Variants in SAMD9L observed in about 807,000 individuals in gnomAD.
SAMD9L encodes sterile alpha motif domain-containing protein 9-like.
SAMD9L carries 68 observed loss-of-function variants against 90.7 expected under a neutral mutation model. The ratio of observed to expected loss-of-function variants is 0.75; its 90% CI spans 0.62 to 0.92. SAMD9L has a LOEUF of 0.92. Among genes scored for constraint, SAMD9L ranks in the 40% least tolerant of loss-of-function variants. The probability of loss-of-function intolerance (pLI) is 0.00; values close to 1 mark genes in which losing one functional copy is unlikely to be tolerated. For missense variants in SAMD9L, 1,604 were observed against 1,824.3 expected (o/e 0.88, Z 2.20); for synonymous variants, 640 against 630.1 (o/e 1.02, Z -0.23).
intron 4 of SAMD9L, among the ~76,000 whole-genome samples, chr7:93,138,602 G>C (rs1792553264): frequency 6.6e-6 from 1 of 152,172 alleles, no homozygotes; most frequent in Non-Finnish European, 1.5e-5. Context: ...GCAATTGAGG[G>C]AGAAAGCCTG....
chr7:93,139,562 T>C (rs1329963408), intron 4 of SAMD9L, among the ~76,000 whole-genome samples: 6 of 152,148 alleles, frequency 3.9e-5, no homozygotes, highest in Non-Finnish European at 7.3e-5. Context: ...CACCAAAGAT[T>C]GCCAGCATGC....
In SAMD9L at chr7:93,135,448, T is replaced by G; in HGVS notation, c.524A>C (p.His175Pro). ...PYPFDQFHDS[H>P]RYIEHYTLQP... is the part of the protein sequence containing the mutation. Reference sequence around the variant, plus strand: ...TAGAGTATAATGTTCTATGTAGCGATGGCTGTCATGGAACTGATCAAAAGG... The same window carrying G: ...TAGAGTATAATGTTCTATGTAGCGAGGGCTGTCATGGAACTGATCAAAAGG... The change falls in exon 5 of 5, where the codon CAT becomes CCT. Residue 175 changes from histidine (H) to proline (P), a missense_variant. This residue lies in a region of SAMD9L where 374 missense variants were observed against 363.6 expected (regional missense o/e 1.03). Coordinates refer to ENST00000318238, the MANE Select transcript of SAMD9L (RefSeq NM_152703.5). 2 of 1,614,156 alleles carry G rather than the reference T, an allele frequency of 1.2e-6. No individual in the cohort carries two copies. Among genetic ancestry groups the G allele is most frequent in the Non-Finnish European group, 1.7e-6 (2 of 1,179,964 alleles).
rs1403517321 is a variant in SAMD9L at position 93,133,755 on chromosome 7, A to AATT, written c.2216_2217insAAT (p.Leu739_Tyr740insIle). On this transcript the variant is annotated inframe_insertion, in exon 5 of 5. Transcript: ENST00000318238. ...TACCTCCACAGCCTGGATGATGATA[A>AATT]AGATTGATGATTTTTGCAAATATTG... The AATT allele has an allele frequency of 6.2e-7, 1 of 1,613,842 alleles. No individual in the cohort carries two copies. Among genetic ancestry groups the AATT allele is most frequent in the South Asian group, 1.1e-5 (1 of 91,078 alleles).
In SAMD9L at chr7:93,134,607, C is replaced by A. The variant is rs1357119601; in HGVS notation, c.1365G>T (p.Val455=). The A allele has an allele frequency of 8.1e-6, 13 of 1,613,790 alleles. No homozygotes were observed. Among genetic ancestry groups the A allele is most frequent in the Non-Finnish European group, 1.0e-5 (12 of 1,179,910 alleles). ...EFDPESMING[V]VKAYKESRVA... The stretch of plus-strand genomic sequence containing the variant: ...CCCGACTTTCTTTGTAAGCTTTGAC[C>A]ACTCCATTGATCATAGATTCAGGAT... The change falls in exon 5 of 5, where the codon GTG becomes GTT. Residue 455 remains valine, a synonymous_variant. Coordinates refer to ENST00000318238, the MANE Select transcript of SAMD9L (RefSeq NM_152703.5).
intron 4 of SAMD9L, among the ~76,000 whole-genome samples, chr7:93,141,373 T>C (rs774247539): frequency 1.3e-5 from 2 of 152,228 alleles, no homozygotes; most frequent in South Asian, 4.1e-4. Flanking sequence ...CAAATTAACA[T>C]GATCGGCCCT....
In SAMD9L at chr7:93,135,645, C is replaced by T. The variant is rs1442622829; in HGVS notation, c.327G>A (p.Lys109=). The T allele has an allele frequency of 6.2e-7, 1 of 1,613,864 alleles. No individual in the cohort carries two copies. The highest frequency in any genetic ancestry group is 1.1e-5 in the South Asian group (1 of 91,070). ...EHQKNPKHTK[K]EEENSMSSNI... ...TAGATGACATTGAATTTTCTTCTTC[C>T]TTTTTGGTGTGTTTTGGATTTTTCT... Residue 109 remains lysine, a synonymous_variant, in exon 5 of 5, where the codon AAG becomes AAA. Coordinates refer to ENST00000318238, the MANE Select transcript of SAMD9L (RefSeq NM_152703.5).
At position 93,134,430 on chromosome 7, in the gene SAMD9L, TG is replaced by T; in HGVS notation, c.1541del (p.Pro514HisfsTer15). On this transcript the variant is annotated frameshift_variant, in exon 5 of 5. Transcript: ENST00000318238. LOFTEE classifies it high-confidence loss of function. ...LKSETYKPLE[P>X]HLWQRERASE... ...AAGCTCTTTCTCTCTGCCATAAATG[TG>T]GTTCTAGAGGTTTATATGTCTCGCT... The T allele has an allele frequency of 6.2e-7, 1 of 1,613,862 alleles. No individual in the cohort carries two copies. Among genetic ancestry groups the T allele is most frequent in the Non-Finnish European group, 8.5e-7 (1 of 1,179,828 alleles).
rs1456483063 is a variant in SAMD9L at position 93,132,939 on chromosome 7, A to C, written c.3033T>G (p.Ile1011Met). 6.2e-6 allele frequency: 10 copies of C among 1,613,454 alleles called. No individual in the cohort carries two copies. The East Asian group carries it at 2.2e-4, about 36-fold the overall frequency. The change falls in exon 5 of 5, where the codon ATT becomes ATG. Residue 1011 changes from isoleucine (I) to methionine (M), a missense_variant. Physicochemically the swap from Ile to Met is conservative, Grantham distance 10. Around this residue, in one of 7 missense-constraint regions of SAMD9L, gnomAD observed 302 missense variants for 314.7 expected, o/e 0.96. Coordinates refer to ENST00000318238, the MANE Select transcript of SAMD9L (RefSeq NM_152703.5). Reference protein sequence around the residue: ...ERSYHLDKCQIALNILEENLF... With the variant: ...ERSYHLDKCQMALNILEENLF... ...AATTCTCTTCTAATATATTCAATGCAATTTGACATTTATCCAAGTGATAGC... is the reference window on the plus strand; with the variant it reads ...AATTCTCTTCTAATATATTCAATGCCATTTGACATTTATCCAAGTGATAGC...
Position 93,131,711 on chromosome 7 carries a change from G to T in SAMD9L, c.4261C>A (p.His1421Asn). 6.2e-7 allele frequency: 1 copy of T among 1,613,800 alleles called. No individual in the cohort carries two copies. The highest frequency in any genetic ancestry group is 1.1e-5 in the South Asian group (1 of 91,048). ...REVLQFVGLS[H>N]QYPGPYFLAC... ...AAGAAATAAGGACCTGGATATTGAT[G>T]ACTTAGTCCTACAAATTGCAAGACC... The change falls in exon 5 of 5, where the codon CAT becomes AAT. Residue 1421 changes from histidine (H) to asparagine (N), a missense_variant. Coordinates refer to ENST00000318238, the MANE Select transcript of SAMD9L (RefSeq NM_152703.5).
At chr7:93,143,789 A>G (rs1792788053) in intron 4 of SAMD9L, among the ~76,000 whole-genome samples, 1 of 152,244 alleles carries the variant, frequency 6.6e-6, no homozygotes, top group Admixed American at 6.5e-5. Flanking sequence ...TAAGCATCTT[A>G]TATGATCTAT....
chr7:93,133,566 C>T lies in SAMD9L; in HGVS notation c.2406G>A (p.Val802=), dbSNP rs1038100722. 1 of 1,613,772 alleles carries T rather than the reference C, an allele frequency of 6.2e-7. No homozygotes were observed. Among genetic ancestry groups the T allele is most frequent in the South Asian group, 1.1e-5 (1 of 91,064 alleles). The part of the protein sequence containing the change: ...HQDYIPVLLL[V]DDFEEQENVY... ...CATTTTCTTGTTCTTCAAAATCATC[C>T]ACAAGGAGAAGCACAGGAATGTAAT... Residue 802 remains valine, a synonymous_variant, in exon 5 of 5, where the codon GTG becomes GTA. Transcript: ENST00000318238.
At position 93,132,769 on chromosome 7, in the gene SAMD9L, T is replaced by A; in HGVS notation, c.3203A>T (p.Glu1068Val). Reference sequence around the variant, plus strand: ...TCTACTTCCTGCACTCAAGACCTTTTCAATGTCTTTATTCTGTAAAGCTTC... The same window carrying A: ...TCTACTTCCTGCACTCAAGACCTTTACAATGTCTTTATTCTGTAAAGCTTC... Reference protein sequence around the residue: ...LMEALQNKDIEKVLSAGSRRF... With the variant: ...LMEALQNKDIVKVLSAGSRRF... The change falls in exon 5 of 5, where the codon GAA becomes GTA. Residue 1068 changes from glutamate to valine, a missense_variant. Around this residue, in one of 7 missense-constraint regions of SAMD9L, gnomAD observed 302 missense variants for 314.7 expected, o/e 0.96. Transcript: ENST00000318238. 6.2e-7 allele frequency: 1 copy of A among 1,613,574 alleles called. No homozygotes were observed. Among genetic ancestry groups the A allele is most frequent in the South Asian group, 1.1e-5 (1 of 91,066 alleles).
At position 93,131,828 on chromosome 7, in the gene SAMD9L, T is replaced by C. The variant is rs1792117772; in HGVS notation, c.4144A>G (p.Asn1382Asp). The C allele has an allele frequency of 1.9e-6, 3 of 1,612,776 alleles. No individual in the cohort carries two copies. The highest frequency in any genetic ancestry group is 3.3e-4 in the Middle Eastern group (2 of 6,082). Residue 1382 changes from asparagine (N) to aspartate (D), a missense_variant, in exon 5 of 5, where the codon AAT becomes GAT. This residue lies in a region of SAMD9L where 282 missense variants were observed against 329.6 expected (regional missense o/e 0.86). Coordinates refer to ENST00000318238, the MANE Select transcript of SAMD9L (RefSeq NM_152703.5). ...SKKPMTNEKQ[N>D]SILANIILSC... The stretch of plus-strand genomic sequence containing the variant: ...AGAATAATGTTGGCCAAAATGGAAT[T>C]TTGTTTCTCATTTGTCATGGGCTTT...
chr7:93,142,107 T>G (rs1324927076), intron 4 of SAMD9L, among the ~76,000 whole-genome samples: 1 of 152,174 alleles, frequency 6.6e-6, no homozygotes, highest in African/African-American at 2.4e-5. Context: ...CCTTTTTAGC[T>G]CTTTACTCAA....
At position 93,133,734 on chromosome 7, in the gene SAMD9L, T is replaced by A; in HGVS notation, c.2238A>T (p.Gly746=). The A allele has an allele frequency of 6.2e-7, 1 of 1,613,664 alleles. No individual in the cohort carries two copies. Among genetic ancestry groups the A allele is most frequent in the Non-Finnish European group, 8.5e-7 (1 of 1,179,792 alleles). ...IINLYHHPGC[G]GTTLAMHVLW... is the part of the protein sequence containing the mutation. ...GAACATGCATAGCCAGTGTGGTACC[T>A]CCACAGCCTGGATGATGATAAAGAT... Residue 746 remains glycine (G), a synonymous_variant, in exon 5 of 5, where the codon GGA becomes GGT. Transcript: ENST00000318238.
Position 93,133,954 on chromosome 7 carries a change from T to C in SAMD9L, c.2018A>G (p.Lys673Arg), listed in dbSNP as rs759359653. The change falls in exon 5 of 5, where the codon AAA (lysine) becomes AGA (arginine). Residue 673 changes from lysine (K) to arginine (R), a missense_variant. Around this residue, in one of 7 missense-constraint regions of SAMD9L, gnomAD observed 606 missense variants for 717.6 expected, o/e 0.84. Transcript: ENST00000318238. ...TTTCTTAAACTCCAGGAATTTAGATTTGTCTTTCTCGATGTCTGTCTCTGT... is the reference window on the plus strand; with the variant it reads ...TTTCTTAAACTCCAGGAATTTAGATCTGTCTTTCTCGATGTCTGTCTCTGT... ...ECTETDIEKD[K>R]SKFLEFKKSK... is the part of the protein sequence containing the mutation. 1 of 1,613,876 alleles carries C rather than the reference T, an allele frequency of 6.2e-7. No individual in the cohort carries two copies. Among genetic ancestry groups the C allele is most frequent in the Non-Finnish European group, 8.5e-7 (1 of 1,179,872 alleles).
chr7:93,139,058 A>G (rs942167943), intron 4 of SAMD9L, among the ~76,000 whole-genome samples: 1 of 152,154 alleles, frequency 6.6e-6, no homozygotes, highest in Non-Finnish European at 1.5e-5. Flanking sequence ...TATATTTTAT[A>G]CAGTTTTTAG....
At position 93,131,579 on chromosome 7, in the gene SAMD9L, G is replaced by C. The variant is rs181466556; in HGVS notation, c.4393C>G (p.Arg1465Gly). The C allele has an allele frequency of 6.2e-7, 1 of 1,613,868 alleles. No homozygotes were observed. The highest frequency in any genetic ancestry group is 8.5e-7 in the Non-Finnish European group (1 of 1,179,830). The part of the protein sequence containing the change: ...LNRSFRGQYK[R>G]MCRSKQASTL... ...CTTGCCTGCTTGGACCTGCACATGC[G>C]CTTGTACTGTCCCCTGAAGGATCTA... The change falls in exon 5 of 5, where the codon CGC becomes GGC. Residue 1465 changes from arginine (R) to glycine (G), a missense_variant. Physicochemically the swap from Arg to Gly is moderately radical, Grantham distance 125. Around this residue, in one of 7 missense-constraint regions of SAMD9L, gnomAD observed 282 missense variants for 329.6 expected, o/e 0.86. Transcript: ENST00000318238.
chr7:93,142,861 C>G (rs1792745928), intron 4 of SAMD9L, among the ~76,000 whole-genome samples: 1 of 152,212 alleles, frequency 6.6e-6, no homozygotes, highest in African/African-American at 2.4e-5. Flanking sequence ...CTCAGTAATT[C>G]AAGCTACCCA....
Sources: gnomAD v4.1 joint callset for allele counts (sites outside exome capture counted in the v4.1 genomes callset) on GRCh38, gnomAD v4.1.1 for gene constraint, gnomAD v4.1.1 regional missense constraint, MANE v1.5 for transcripts, NCBI Gene and HGNC (gene_info 2026-07-23, HGNC 2026-07-21) for gene names.